CIT: variants seen among roughly 807,000 people sequenced by gnomAD.
CIT encodes citron Rho-interacting kinase.
In CIT, 79 loss-of-function variants were observed where a neutral mutation model predicts 272.7. That is an observed-to-expected ratio of 0.29 (90% CI 0.24 to 0.35). CIT has a LOEUF of 0.35. Ranked by LOEUF, CIT falls within the 10% of genes least tolerant of loss-of-function variation. CIT has a pLI of 1.00. For synonymous variants in CIT, 948 were observed against 995.6 expected (o/e 0.95, Z 0.90); for missense variants, 1,909 against 2,618.3 (o/e 0.73, Z 5.91).
At chr12:119,699,343 A>G (rs1249092664) in intron 44 of CIT, among the ~76,000 whole-genome samples, 1 of 139,672 alleles carries the variant, frequency 7.2e-6, no homozygotes, top group Non-Finnish European at 1.5e-5. Context: ...TCTTCTTAAT[A>G]CTCTATCTCT....
Position 119,718,400 on chromosome 12 carries a change from C to A in CIT, c.4013G>T (p.Arg1338Leu), listed in dbSNP as rs767232122. Residue 1338 changes from arginine (R) to leucine (L), a missense_variant, in exon 32 of 48, where the codon CGC becomes CTC. Physicochemically the swap from Arg to Leu is moderately radical, Grantham distance 102. Transcript: ENST00000392521. The surrounding 1 kb of genome is among the most constrained non-coding windows in gnomAD (Gnocchi z 4.8). ...LRSAREEAAHRKATDHPHPST... is the reference protein window; with the variant it reads ...LRSAREEAAHLKATDHPHPST... ...TGGGTGTGGGTGGTCCGTTGCTTTG[C>A]GGTGGGCAGCTGCAGAGAGACCAGG... is the stretch of plus-strand genomic sequence containing the variant. The A allele has an allele frequency of 6.2e-7, 1 of 1,611,440 alleles. No homozygotes were observed. The highest frequency in any genetic ancestry group is 8.5e-7 in the Non-Finnish European group (1 of 1,178,820).
At position 119,752,167 on chromosome 12, in the gene CIT, C is replaced by T. The variant is rs767438352; in HGVS notation, c.2787G>A (p.Glu929=). Residue 929 remains glutamate (E), a synonymous_variant, in exon 23 of 48, where the codon GAG becomes GAA. Coordinates refer to ENST00000392521, the MANE Select transcript of CIT (RefSeq NM_001206999.2). ...TELQLSLQER[E]SQLTALQAAR... is the part of the protein sequence containing the mutation. ...CAGCCTGCAGGGCTGTCAACTGTGA[C>T]TCGCGCTCCTGCAGGGAGAGCTGTA... The T allele has an allele frequency of 4.3e-6, 7 of 1,612,708 alleles. No individual in the cohort carries two copies. The highest frequency in any genetic ancestry group is 4.5e-5 in the East Asian group (2 of 44,892).
intron 9 of CIT, among the ~76,000 whole-genome samples, chr12:119,816,134 T>C (rs1272316604): frequency 6.6e-6 from 1 of 152,164 alleles, no homozygotes; most frequent in Non-Finnish European, 1.5e-5. Context: ...TACTAGGCAC[T>C]CAATAAATGG....
rs751421292 is a variant in CIT, at chr12:119,863,201, CAAAAAAAAAAAA to C, written c.239-5515_239-5504del. Among the ~76,000 whole-genome samples, 27 of 40,524 alleles carry C rather than the reference CAAAAAAAAAAAA, an allele frequency of 6.7e-4. 1 individual carries two copies. Among genetic ancestry groups the C allele is most frequent in the Admixed American group, 3.0e-3 (10 of 3,378 alleles). 26.6% of individuals were successfully genotyped at this position (40,524 alleles called of 152,430 possible). On this transcript the variant is annotated intron_variant, in intron 3 of 47. Transcript: ENST00000392521. ...TGGGCAACAGAGCGAGACTCTGTAT[CAAAAAAAAAAAA>C]AAAAAAAAAAAAGAGGCTGACATTA...
chr12:119,695,965 A>T (rs1956203280), intron 46 of CIT, among the ~76,000 whole-genome samples: 1 of 152,256 alleles, frequency 6.6e-6, no homozygotes, highest in Admixed American at 6.5e-5. Flanking sequence ...GTGCAGTACA[A>T]ACACAATTAT....
chr12:119,718,127 A>C lies in CIT; in HGVS notation c.4168+118T>G. ...AGTGCTGGGGTTACAGGTGTGAGCC[A>C]CCGTGCCTGGCCAAGACTGACTTTT... is the stretch of plus-strand genomic sequence containing the variant. On this transcript the variant is annotated intron_variant, in intron 32 of 47. Transcript: ENST00000392521. The surrounding 1 kb of genome is among the most constrained non-coding windows in gnomAD (Gnocchi z 4.8). 2 of 1,218,302 alleles carry C rather than the reference A, an allele frequency of 1.6e-6. No homozygotes were observed. Among genetic ancestry groups the C allele is most frequent in the Non-Finnish European group, 2.2e-6 (2 of 895,664 alleles). The allele number at this position is 1,218,302 out of a possible 1,614,324, so 75.5% of individuals were successfully genotyped here.
chr12:119,713,496 G>A lies in CIT; in HGVS notation c.4459C>T (p.His1487Tyr). 1 of 1,614,224 alleles carries A rather than the reference G, an allele frequency of 6.2e-7. No individual in the cohort carries two copies. The highest frequency in any genetic ancestry group is 1.3e-5 in the African/African-American group (1 of 75,052). ...LQTKEPSSSL[H>Y]LEGWMKVPRN... ...GGCACCTTCATCCACCCTTCCAGGT[G>A]CAAGCTGCTGCTGGGCTCCTTGGTC... The change falls in exon 34 of 48, where the codon CAC becomes TAC. Residue 1487 changes from histidine (H) to tyrosine (Y), a missense_variant. Around this residue, in one of 8 missense-constraint regions of CIT, gnomAD observed 780 missense variants for 1,067.2 expected, o/e 0.73. Coordinates refer to ENST00000392521, the MANE Select transcript of CIT (RefSeq NM_001206999.2). The surrounding 1 kb of genome is among the most constrained non-coding windows in gnomAD (Gnocchi z 5.2).
intron 4 of CIT, among the ~76,000 whole-genome samples, chr12:119,852,560 T>C (rs770437504): frequency 2.0e-5 from 3 of 151,666 alleles, no homozygotes; most frequent in Non-Finnish European, 4.4e-5. Flanking sequence ...CTAAAAAAAA[T>C]ACAAAAATTA....
At chr12:119,711,459 C>T (rs1274702906) in intron 37 of CIT, among the ~76,000 whole-genome samples, 1 of 152,178 alleles carries the variant, frequency 6.6e-6, no homozygotes, top group Non-Finnish European at 1.5e-5. Flanking sequence ...AAAAGCCTTC[C>T]TGGAGGGGAC....
At chr12:119,766,219 C>T (rs1337599715) in intron 19 of CIT, among the ~76,000 whole-genome samples, 1 of 138,758 alleles carries the variant, frequency 7.2e-6, no homozygotes, top group Non-Finnish European at 1.5e-5. Flanking sequence ...TGCACATGTA[C>T]CCCAGAACTT....
At chr12:119,872,360 A>C (rs960715404) in intron 2 of CIT, among the ~76,000 whole-genome samples, 10 of 152,210 alleles carry the variant, frequency 6.6e-5, no homozygotes, top group Admixed American at 1.3e-4. Context: ...GTTGAGTAGA[A>C]GTAAAAAAGA....
At chr12:119,704,313 G>A (rs200210611) in intron 41 of CIT, 50 bp downstream of exon 41, 1 of 1,539,022 alleles carries the variant, frequency 6.5e-7, no homozygotes, top group African/African-American at 1.4e-5. Context: ...CTCGCTGAGA[G>A]AGCAGGACTG....
At chr12:119,831,905 A>G (rs1968669480) in intron 7 of CIT, among the ~76,000 whole-genome samples, 1 of 152,166 alleles carries the variant, frequency 6.6e-6, no homozygotes, top group South Asian at 2.1e-4. Context: ...AATTTTACAT[A>G]TTGTCCTTTA....
intron 10 of CIT, among the ~76,000 whole-genome samples, chr12:119,801,725 C>T (rs1164141490): frequency 6.6e-6 from 1 of 152,208 alleles, no homozygotes; most frequent in Non-Finnish European, 1.5e-5. Context: ...ATGGCAAAAC[C>T]TCCCAATCCT....
chr12:119,700,555 G>A (rs1956500150), intron 44 of CIT, 190 bp downstream of exon 44: 1 of 526,238 alleles, frequency 1.9e-6, no homozygotes, highest in Non-Finnish European at 3.5e-6. Flanking sequence ...GCTAATTTTT[G>A]TATTTTTAGT....
intron 10 of CIT, among the ~76,000 whole-genome samples, chr12:119,801,589 C>A (rs1222336693): frequency 6.6e-6 from 1 of 152,196 alleles, no homozygotes; most frequent in Non-Finnish European, 1.5e-5. Flanking sequence ...AGAACTAGAA[C>A]TCTCCACACG....
chr12:119,767,177 G>C lies in CIT; in HGVS notation c.2214C>G (p.Leu738=), dbSNP rs777774879. The C allele has an allele frequency of 5.0e-6, 8 of 1,608,442 alleles. No individual in the cohort carries two copies. The highest frequency in any genetic ancestry group is 4.2e-6 in the Non-Finnish European group (5 of 1,177,268). ...CTTGGGCCTCCCGATGTTTCTCTTC[G>C]AGCTCCTAGACACAAAAGAAAAGAC... is the stretch of plus-strand genomic sequence containing the variant. ...IQQMADKILE[L]EEKHREAQVS... is the part of the protein sequence containing the mutation. The change falls in exon 19 of 48, where the codon CTC becomes CTG. Residue 738 remains leucine (L), a synonymous_variant. Coordinates refer to ENST00000392521, the MANE Select transcript of CIT (RefSeq NM_001206999.2).
At chr12:119,811,677 TTA>T (rs1404995459) in intron 9 of CIT, among the ~76,000 whole-genome samples, 2 of 152,200 alleles carry the variant, frequency 1.3e-5, no homozygotes, top group Non-Finnish European at 2.9e-5. Flanking sequence ...GGTAATCAAG[TTA>T]TGTTTCCCCA....
rs1406279977 is a variant in CIT at position 119,713,069 on chromosome 12, T to C, written c.4579+134A>G. On this transcript the variant is annotated intron_variant, in intron 35 of 47. Transcript: ENST00000392521. The surrounding 1 kb of genome is among the most constrained non-coding windows in gnomAD (Gnocchi z 5.2). ...ACCAATAACCTTTAGAGAAGTCATT[T>C]GGTTTGTAAGTTTCAAAAATGGAAA... 4.2e-6 allele frequency: 3 copies of C among 715,710 alleles called. No individual in the cohort carries two copies. Among genetic ancestry groups the C allele is most frequent in the African/African-American group, 3.5e-5 (2 of 56,400 alleles). 44.3% of individuals were successfully genotyped at this position (715,710 alleles called of 1,614,324 possible). A position where few individuals can be genotyped will look rare whatever the true frequency, so the allele number is the denominator to read the frequency against.
Sources: gnomAD v4.1 joint callset for allele counts (sites outside exome capture counted in the v4.1 genomes callset) on GRCh38, gnomAD v4.1.1 for gene constraint, gnomAD v4.1.1 regional missense constraint, Gnocchi (gnomAD v3.1) non-coding constraint, MANE v1.5 for transcripts, NCBI Gene and HGNC (gene_info 2026-07-23, HGNC 2026-07-21) for gene names.